Variants in PCDHA5 observed in about 807,000 individuals in gnomAD.
PCDHA5 encodes protocadherin alpha-5.
Under a neutral mutation model 61.6 loss-of-function variants are expected in PCDHA5, and 43 were observed. The ratio of observed to expected loss-of-function variants is 0.70; its 90% CI spans 0.55 to 0.90. The LOEUF (loss-of-function observed/expected upper bound fraction) is 0.90, where lower values mean the gene tolerates loss of function less well. Ranked by LOEUF, PCDHA5 falls within the 40% of genes least tolerant of loss-of-function variation. PCDHA5 has a pLI of 0.00. For synonymous variants in PCDHA5, 627 were observed against 543.9 expected (o/e 1.15, Z -2.13); for missense variants, 1,298 against 1,222.7 (o/e 1.06, Z -0.92).
intron 3 of PCDHA5, among the ~76,000 whole-genome samples, chr5:141,000,842 G>A (rs2097967739): frequency 1.3e-5 from 2 of 151,954 alleles, no homozygotes; most frequent in Non-Finnish European, 2.9e-5. Flanking sequence ...AGGAGATCCA[G>A]TCTGGCAGTC....
At chr5:140,875,504 C>G (rs1554167711) in intron 1 of PCDHA5, 2 of 1,613,462 alleles carry the variant, frequency 1.2e-6, no homozygotes, top group African/African-American at 2.7e-5. Context: ...GGCCCGGGAT[C>G]CCAGCGTCTG....
At chr5:140,915,686 A>G (rs1440972076) in intron 1 of PCDHA5, among the ~76,000 whole-genome samples, 2 of 150,988 alleles carry the variant, frequency 1.3e-5, no homozygotes, top group African/African-American at 2.4e-5. Flanking sequence ...AACTAGGGGT[A>G]TGGTGATGCA....
chr5:140,938,753 T>G (rs1381426227), intron 1 of PCDHA5, among the ~76,000 whole-genome samples: 3 of 152,170 alleles, frequency 2.0e-5, no homozygotes, highest in Admixed American at 1.3e-4. Flanking sequence ...TTTAAAGGCA[T>G]AGTTATTGGG....
Position 140,892,963 on chromosome 5 carries a change from A to C in PCDHA5, c.2352+68836A>C, listed in dbSNP as rs138089244. Among the ~76,000 whole-genome samples, 29 of 152,284 alleles carry C rather than the reference A, an allele frequency of 1.9e-4. No individual in the cohort carries two copies. In the East Asian group the frequency reaches 5.6e-3, roughly 29 times the overall value. ...ACAATACTACTTCCATGAGCTCAAT[A>C]AAATTTTGTAGCTGCCGTATAAGTG... On this transcript the variant is annotated intron_variant, in intron 1 of 3. Transcript: ENST00000529859.
At chr5:141,004,495 C>T (rs1363359146) in intron 3 of PCDHA5, among the ~76,000 whole-genome samples, 14 of 152,182 alleles carry the variant, frequency 9.2e-5, no homozygotes, top group Admixed American at 9.2e-4. Flanking sequence ...TCTTGGCAGT[C>T]CTGCTGTGAG....
chr5:140,842,009 G>A, intron 1 of PCDHA5: 3 of 1,613,748 alleles, frequency 1.9e-6, no homozygotes, highest in Non-Finnish European at 2.5e-6. Flanking sequence ...TCAGCTGCTG[G>A]TCACAGTGCT....
Position 141,010,263 on chromosome 5 carries a change from C to T in PCDHA5, c.*326C>T, listed in dbSNP as rs782479376. On this transcript the variant is annotated 3_prime_UTR_variant, in exon 4 of 4. Transcript: ENST00000529859. Reference sequence around the variant, plus strand: ...AGGTTGGACTCTCTGCCCTGTGCTCCGGGGATCCTGTCTTGATGACACTTG... The same window carrying T: ...AGGTTGGACTCTCTGCCCTGTGCTCTGGGGATCCTGTCTTGATGACACTTG... The T allele has an allele frequency of 8.4e-6, 13 of 1,551,608 alleles. No homozygotes were observed. Among genetic ancestry groups the T allele is most frequent in the African/African-American group, 5.5e-5 (4 of 73,018 alleles).
intron 1 of PCDHA5, among the ~76,000 whole-genome samples, chr5:140,915,719 T>A (rs545655335): frequency 6.6e-6 from 1 of 151,956 alleles, no homozygotes; most frequent in African/African-American, 2.4e-5. Flanking sequence ...GCCCCCACTT[T>A]GGATTGTGCT....
chr5:140,944,364 T>G (rs1264806074), intron 1 of PCDHA5, among the ~76,000 whole-genome samples: 1 of 152,072 alleles, frequency 6.6e-6, no homozygotes, highest in Non-Finnish European at 1.5e-5. Flanking sequence ...ATTTTTAATT[T>G]TTTATAGAGA....
At chr5:140,863,157 C>G in intron 1 of PCDHA5, 1 of 638,958 alleles carries the variant, frequency 1.6e-6, no homozygotes, top group South Asian at 1.4e-5. Flanking sequence ...AGGACCACTG[C>G]GAGCTGGCGC....
chr5:141,003,291 G>C (rs1402781511), intron 3 of PCDHA5, among the ~76,000 whole-genome samples: 1 of 152,158 alleles, frequency 6.6e-6, no homozygotes, highest in Non-Finnish European at 1.5e-5. Flanking sequence ...TGGATTATAG[G>C]ATTACATGAA....
intron 1 of PCDHA5, chr5:140,875,367 T>C (rs937879067): frequency 6.9e-7 from 1 of 1,449,048 alleles, no homozygotes; most frequent in Non-Finnish European, 9.1e-7. Context: ...CTGGAAAAAA[T>C]TTACTAAATA....
intron 1 of PCDHA5, among the ~76,000 whole-genome samples, chr5:140,969,920 A>G (rs1554232150): frequency 6.6e-6 from 1 of 152,226 alleles, no homozygotes; most frequent in African/African-American, 2.4e-5. Flanking sequence ...ATAAAGCTGT[A>G]GTATTTAGAC....
At chr5:140,864,373 TAA>T (rs1207632407) in intron 1 of PCDHA5, 1 of 152,248 alleles carries the variant, frequency 6.6e-6, no homozygotes, top group Non-Finnish European at 1.5e-5. Context: ...CTATAATCGA[TAA>T]GTTTATCTCT....
intron 1 of PCDHA5, among the ~76,000 whole-genome samples, chr5:140,902,546 A>G (rs1456804685): frequency 6.6e-6 from 1 of 152,088 alleles, no homozygotes; most frequent in Non-Finnish European, 1.5e-5. Context: ...TGTTCCTTCT[A>G]TACCCAGATT....
chr5:141,003,796 G>A (rs2098138988), intron 3 of PCDHA5, among the ~76,000 whole-genome samples: 1 of 152,168 alleles, frequency 6.6e-6, no homozygotes, highest in Non-Finnish European at 1.5e-5. Context: ...ATCCTATTGG[G>A]TTGTAATCTG....
chr5:140,961,071 G>T (rs1344860284), intron 1 of PCDHA5, among the ~76,000 whole-genome samples: 1 of 152,208 alleles, frequency 6.6e-6, no homozygotes, highest in Non-Finnish European at 1.5e-5. Flanking sequence ...GATATCTGGA[G>T]TATCAAGTAA....
At chr5:140,951,560 C>T (rs2094602519) in intron 1 of PCDHA5, among the ~76,000 whole-genome samples, 1 of 151,998 alleles carries the variant, frequency 6.6e-6, no homozygotes. Flanking sequence ...AAGTGCTACG[C>T]ACTTTTAAAC....
intron 1 of PCDHA5, among the ~76,000 whole-genome samples, chr5:140,827,240 A>G (rs1263320018): frequency 3.3e-5 from 5 of 152,204 alleles, no homozygotes; most frequent in African/African-American, 9.6e-5. Context: ...ACAGGGTTGA[A>G]GTTGAGAGAG....
Sources: allele counts gnomAD v4.1 joint callset (sites outside exome capture counted in the v4.1 genomes callset), GRCh38; gene constraint gnomAD v4.1.1; transcripts MANE v1.5; gene names NCBI Gene and HGNC (gene_info 2026-07-23, HGNC 2026-07-21).